Variants in EMP3 observed in about 807,000 individuals in gnomAD.
EMP3 encodes epithelial membrane protein 3.
In EMP3, 15 loss-of-function variants were observed where a neutral mutation model predicts 21.6. The observed-to-expected ratio is 0.69, with a 90% CI of 0.46 to 1.07. The LOEUF is 1.07. Among genes scored for constraint, EMP3 ranks in the 50% least tolerant of loss-of-function variants. The pLI is 0.00. For missense variants in EMP3, 183 were observed against 206.6 expected (o/e 0.89, Z 0.70); for synonymous variants, 107 against 86.1 (o/e 1.24, Z -1.34).
At chr19:48,327,427 C>T in intron 2 of EMP3, 94 bp from the exon 3 acceptor site, 1 of 862,052 alleles carries the variant, frequency 1.2e-6, no homozygotes, top group Non-Finnish European at 1.9e-6. Flanking sequence ...TCCCAGATAC[C>T]CTGCCCTTTT....
chr19:48,327,715 C>A, intron 3 of EMP3, 92 bp downstream of exon 3: 1 of 1,292,970 alleles, frequency 7.7e-7, no homozygotes, highest in Non-Finnish European at 1.1e-6. Context: ...CCTCCCCCAA[C>A]AAAGTTGGAG....
In EMP3 at chr19:48,326,927, G is replaced by A; in HGVS notation, c.78+5G>A. 6.2e-7 allele frequency: 1 copy of A among 1,613,764 alleles called. No individual in the cohort carries two copies. The highest frequency in any genetic ancestry group is 1.1e-5 in the South Asian group (1 of 91,066). On this transcript the variant is annotated splice_donor_5th_base_variant and intron_variant, in intron 2 of 4. Coordinates refer to ENST00000270221, the MANE Select transcript of EMP3 (RefSeq NM_001425.3). ...TTCGTGGCCACTTTGGACAAGGTAA[G>A]CCTACTTGGAGCTCAGGGCCCTTCT...
rs780367364 is a variant in EMP3 at position 48,329,506 on chromosome 19, C to T, written c.322+14C>T. ...AGCTTTGCACCAGTGAGCACTGCCC[C>T]TCCCCAACCCTAATCCCCCAAGAAT... On this transcript the variant is annotated intron_variant, in intron 4 of 4. Transcript: ENST00000270221. This position sits in a 1 kb window ranked among gnomAD's most constrained non-coding sequence, Gnocchi z 4.5. 3.7e-6 allele frequency: 6 copies of T among 1,613,808 alleles called. No individual in the cohort carries two copies. The highest frequency in any genetic ancestry group is 4.5e-5 in the East Asian group (2 of 44,896).
chr19:48,329,544 A>T lies in EMP3; in HGVS notation c.322+52A>T. 1 of 1,600,604 alleles carries T rather than the reference A, an allele frequency of 6.2e-7. No individual in the cohort carries two copies. Among genetic ancestry groups the T allele is most frequent in the Non-Finnish European group, 8.5e-7 (1 of 1,171,512 alleles). On this transcript the variant is annotated intron_variant, in intron 4 of 4. Transcript: ENST00000270221. The surrounding 1 kb of genome is among the most constrained non-coding windows in gnomAD (Gnocchi z 4.5). ...ATCCCCCAAGAATTGAGCAGAAGGG[A>T]GTGGGGTGTGTCAAGATGCTGGGGG...
At position 48,330,514 on chromosome 19, in the gene EMP3, C is replaced by T. The variant is rs764878751; in HGVS notation, c.*44C>T. 7.3e-6 allele frequency: 11 copies of T among 1,509,924 alleles called. No homozygotes were observed. The highest frequency in any genetic ancestry group is 9.7e-6 in the Non-Finnish European group (11 of 1,132,190). 93.5% of individuals were successfully genotyped at this position (1,509,924 alleles called of 1,614,324 possible). On this transcript the variant is annotated 3_prime_UTR_variant, in exon 5 of 5. Coordinates refer to ENST00000270221, the MANE Select transcript of EMP3 (RefSeq NM_001425.3). The stretch of plus-strand genomic sequence containing the variant: ...CTGCCCCCGCCCCTTCCCGGCCCCC[C>T]TCGCCGCGCGTCCTCCAAAAAATAA...
chr19:48,329,197 A>T lies in EMP3; in HGVS notation c.182-155A>T. ...GGAATATAGCAAGGTAACAGGGCTC[A>T]AGGTCAAAATAAGTGATACATCTAA... On this transcript the variant is annotated intron_variant, in intron 3 of 4. Transcript: ENST00000270221. The surrounding 1 kb of genome is among the most constrained non-coding windows in gnomAD (Gnocchi z 4.5). The T allele has an allele frequency of 1.2e-6, 1 of 861,738 alleles. No individual in the cohort carries two copies. Among genetic ancestry groups the T allele is most frequent in the Non-Finnish European group, 1.8e-6 (1 of 567,110 alleles). 53.4% of individuals were successfully genotyped at this position (861,738 alleles called of 1,614,324 possible).
In EMP3 at chr19:48,330,458, G is replaced by A. The variant is rs1294878983; in HGVS notation, c.480G>A (p.Arg160=). Reference sequence around the variant, plus strand: ...GCGGCATCATCTACATCCACCTACGGAAGCGGGAGTGAGCGCCCCGCCTCG... The same window carrying A: ...GCGGCATCATCTACATCCACCTACGAAAGCGGGAGTGAGCGCCCCGCCTCG... ...LVSGIIYIHL[R]KRE Residue 160 remains arginine (R), a synonymous_variant, in exon 5 of 5, where the codon CGG becomes CGA. Transcript: ENST00000270221. The A allele has an allele frequency of 6.3e-7, 1 of 1,582,630 alleles. No individual in the cohort carries two copies. Among genetic ancestry groups the A allele is most frequent in the East Asian group, 2.4e-5 (1 of 40,994 alleles).
chr19:48,327,730 CG>C, intron 3 of EMP3, 107 bp downstream of exon 3: 1 of 1,061,722 alleles, frequency 9.4e-7, no homozygotes, highest in Non-Finnish European at 1.4e-6. Context: ...TTGGAGTGGG[CG>C]GGGTCCAGGC....
At chr19:48,328,411 C>CAAAAAAAAAAA (rs746709296) in intron 3 of EMP3, among the ~76,000 whole-genome samples, 1 of 80,674 alleles carries the variant, frequency 1.2e-5, no homozygotes, top group African/African-American at 4.8e-5. Flanking sequence ...GATTCTGTCT[C>CAAAAAAAAAAA]AAAAAAAAAA....
chr19:48,328,694 ACTTCTATT>A (rs755166828), intron 3 of EMP3, among the ~76,000 whole-genome samples: 5 of 152,180 alleles, frequency 3.3e-5, no homozygotes, highest in Non-Finnish European at 7.3e-5. Context: ...TGCTCTCACC[ACTTCTATT>A]CAACCTTTTA....
At chr19:48,328,252 AT>A (rs1363899836) in intron 3 of EMP3, among the ~76,000 whole-genome samples, 1 of 151,960 alleles carries the variant, frequency 6.6e-6, no homozygotes, top group African/African-American at 2.4e-5. Flanking sequence ...TCTACTAAAA[AT>A]ACAAAAAAAT....
chr19:48,329,222 A>G lies in EMP3; in HGVS notation c.182-130A>G. 2 of 1,091,560 alleles carry G rather than the reference A, an allele frequency of 1.8e-6. No homozygotes were observed. The highest frequency in any genetic ancestry group is 2.6e-6 in the Non-Finnish European group (2 of 764,854). 67.6% of individuals were successfully genotyped at this position (1,091,560 alleles called of 1,614,324 possible). On this transcript the variant is annotated intron_variant, in intron 3 of 4. Transcript: ENST00000270221. This position sits in a 1 kb window ranked among gnomAD's most constrained non-coding sequence, Gnocchi z 4.5. ...AAGGTCAAAATAAGTGATACATCTAAGTATCTAGGCTTGTATGGGCCTAAA... is the reference window on the plus strand; with the variant it reads ...AAGGTCAAAATAAGTGATACATCTAGGTATCTAGGCTTGTATGGGCCTAAA...
intron 2 of EMP3, 108 bp from the exon 3 acceptor site, chr19:48,327,413 C>T (rs1969139696): frequency 1.8e-5 from 14 of 757,256 alleles, no homozygotes; most frequent in Admixed American, 1.7e-4. Flanking sequence ...CCAGTTCTGC[C>T]CCATCCCAGA....
rs1320053644 is a variant in EMP3 at position 48,329,248 on chromosome 19, C to T, written c.182-104C>T. 3 of 1,456,612 alleles carry T rather than the reference C, an allele frequency of 2.1e-6. No homozygotes were observed. The highest frequency in any genetic ancestry group is 2.8e-6 in the Non-Finnish European group (3 of 1,065,950). 90.2% of individuals were successfully genotyped at this position (1,456,612 alleles called of 1,614,324 possible). ...GTATCTAGGCTTGTATGGGCCTAAA[C>T]GGGAGCAGGGATGGGGCAGAGAAGG... On this transcript the variant is annotated intron_variant, in intron 3 of 4. Coordinates refer to ENST00000270221, the MANE Select transcript of EMP3 (RefSeq NM_001425.3). This position sits in a 1 kb window ranked among gnomAD's most constrained non-coding sequence, Gnocchi z 4.5.
intron 3 of EMP3, chr19:48,327,869 G>C: frequency 2.1e-6 from 1 of 467,598 alleles, no homozygotes; most frequent in Non-Finnish European, 3.9e-6. Context: ...GTGCAGTGGC[G>C]CAATCTTGGC....
rs1303666448 is a variant in EMP3, at chr19:48,329,667, C to T, written c.322+175C>T. On this transcript the variant is annotated intron_variant, in intron 4 of 4. Coordinates refer to ENST00000270221, the MANE Select transcript of EMP3 (RefSeq NM_001425.3). This position sits in a 1 kb window ranked among gnomAD's most constrained non-coding sequence, Gnocchi z 4.5. ...GCTACATCTCTGCCCCCAGGGATTG[C>T]TGGGACTTGTAGTTTTCAGTGGCTA... Among the ~76,000 whole-genome samples the T allele has an allele frequency of 6.6e-6, 1 of 152,162 alleles. No homozygotes were observed. Among genetic ancestry groups the T allele is most frequent in the Non-Finnish European group, 1.5e-5 (1 of 68,018 alleles).
At chr19:48,325,864 C>T (rs1202796799) in intron 1 of EMP3, 3 of 152,186 alleles carry the variant, frequency 2.0e-5, no homozygotes, top group African/African-American at 7.2e-5. Context: ...CCACTGTCCT[C>T]TGGGGTCCCT....
In EMP3 at chr19:48,330,433, G is replaced by T; in HGVS notation, c.455G>T (p.Ser152Ile). 1.9e-6 allele frequency: 3 copies of T among 1,596,764 alleles called. No individual in the cohort carries two copies. Among genetic ancestry groups the T allele is most frequent in the Non-Finnish European group, 2.6e-6 (3 of 1,172,634 alleles). Residue 152 changes from serine (S) to isoleucine (I), a missense_variant, in exon 5 of 5, where the codon AGC (serine) becomes ATC (isoleucine). Ser to Ile is a moderately radical substitution (Grantham distance 142). Transcript: ENST00000270221. Reference protein sequence around the residue: ...AWVAFPLALVSGIIYIHLRKR... With the variant: ...AWVAFPLALVIGIIYIHLRKR... The stretch of plus-strand genomic sequence containing the variant: ...GTGGCCTTCCCCCTCGCCCTGGTCA[G>T]CGGCATCATCTACATCCACCTACGG...
rs945782697 is a variant in EMP3 at position 48,329,622 on chromosome 19, C to T, written c.322+130C>T. ...AAACAACTTTCAACACCCCACGAGC[C>T]ACAAGAGGTGCCTCCGTGGGCTACA... On this transcript the variant is annotated intron_variant, in intron 4 of 4. Transcript: ENST00000270221. This position sits in a 1 kb window ranked among gnomAD's most constrained non-coding sequence, Gnocchi z 4.5. 8 of 1,222,834 alleles carry T rather than the reference C, an allele frequency of 6.5e-6. No individual in the cohort carries two copies. In the African/African-American group the frequency reaches 1.2e-4, roughly 19 times the overall value. 75.7% of individuals were successfully genotyped at this position (1,222,834 alleles called of 1,614,324 possible). A position where few individuals can be genotyped will look rare whatever the true frequency, so the allele number is the denominator to read the frequency against.
Sources: allele counts gnomAD v4.1 joint callset (sites outside exome capture counted in the v4.1 genomes callset), GRCh38; gene constraint gnomAD v4.1.1; non-coding constraint Gnocchi (gnomAD v3.1); transcripts MANE v1.5; gene names NCBI Gene and HGNC (gene_info 2026-07-23, HGNC 2026-07-21).